DNAH10: variants seen among roughly 807,000 people sequenced by gnomAD.
DNAH10 encodes the protein axonemal beta dynein heavy chain 10.
DNAH10 carries 348 observed loss-of-function variants against 506.6 expected under a neutral mutation model. That is an observed-to-expected ratio of 0.69 (90% CI 0.63 to 0.75). DNAH10 has a LOEUF of 0.75. DNAH10 is among the 30% of genes least tolerant of loss of function. The probability of loss-of-function intolerance (pLI) is 0.00; values close to 1 mark genes in which losing one functional copy is unlikely to be tolerated. For synonymous variants in DNAH10, 2,059 were observed against 2,198.6 expected (o/e 0.94, Z 1.78); for missense variants, 5,179 against 5,787.1 (o/e 0.89, Z 3.41).
Position 123,762,459 on chromosome 12 carries a change from G to A in DNAH10, c.123G>A (p.Leu41=). 2 of 1,495,010 alleles carry A rather than the reference G, an allele frequency of 1.3e-6. No individual in the cohort carries two copies. Among genetic ancestry groups the A allele is most frequent in the South Asian group, 2.6e-5 (2 of 76,650 alleles). The allele number at this position is 1,495,010 out of a possible 1,614,324, so 92.6% of individuals were successfully genotyped here. The change falls in exon 1 of 79, where the codon TTG becomes TTA. Residue 41 remains leucine (L), a synonymous_variant. Transcript: ENST00000673944. The surrounding 1 kb of genome is among the most constrained non-coding windows in gnomAD (Gnocchi z 5.0). ...ACGGCCAGGGCGAGGACCTCATCTT[G>A]CACTTCCTCAACCAGGCGAGCGAGG... ...RDDGQGEDLI[L]HFLNQASEEE... is the part of the protein sequence containing the mutation.
chr12:123,765,096 C>T (rs1480042401), intron 1 of DNAH10, among the ~76,000 whole-genome samples: 1 of 151,882 alleles, frequency 6.6e-6, no homozygotes. Flanking sequence ...CTTTCTGCCC[C>T]CCTTCCCCGG....
chr12:123,826,649 G>GGTCTT, intron 24 of DNAH10, 38 bp from the exon 25 acceptor site: 2 of 1,583,882 alleles, frequency 1.3e-6, no homozygotes, highest in South Asian at 2.2e-5. Context: ...TTTCCAAAGG[G>GGTCTT]GTCTTTGTTG....
Position 123,771,802 on chromosome 12 carries a change from T to G in DNAH10, c.396+104T>G, listed in dbSNP as rs1689936112. On this transcript the variant is annotated intron_variant, in intron 3 of 78. Coordinates refer to ENST00000673944, the MANE Select transcript of DNAH10 (RefSeq NM_001372106.1). ...GCCCCATCCAAGGGATTTATCATGT[T>G]GGAATGGAAATTATAGGATCCCAAG... 6 of 1,020,630 alleles carry G rather than the reference T, an allele frequency of 5.9e-6. No homozygotes were observed. In the Middle Eastern group the frequency reaches 7.6e-4, roughly 129 times the overall value. 63.2% of individuals were successfully genotyped at this position (1,020,630 alleles called of 1,614,324 possible).
chr12:123,837,681 A>C (rs1474251496), intron 28 of DNAH10, among the ~76,000 whole-genome samples: 1 of 149,696 alleles, frequency 6.7e-6, no homozygotes, highest in Non-Finnish European at 1.5e-5. Flanking sequence ...GGCTCATATG[A>C]TCCTCGCCTT....
intron 67 of DNAH10, 128 bp downstream of exon 67, chr12:123,924,560 C>T (rs1017881527): frequency 1.8e-6 from 2 of 1,126,290 alleles, no homozygotes; most frequent in African/African-American, 1.6e-5. Context: ...TAACTGATGC[C>T]CTGTAACTCC....
At position 123,845,750 on chromosome 12, in the gene DNAH10, C is replaced by A; in HGVS notation, c.5511C>A (p.Ile1837=). The A allele has an allele frequency of 6.2e-7, 1 of 1,613,906 alleles. No homozygotes were observed. Among genetic ancestry groups the A allele is most frequent in the South Asian group, 1.1e-5 (1 of 91,070 alleles). ...ATGGCAGGAAAATGCACCGGCAGATCGATGAGTTGGTAACGCGCATCACCA... is the reference window on the plus strand; with the variant it reads ...ATGGCAGGAAAATGCACCGGCAGATAGATGAGTTGGTAACGCGCATCACCA... The part of the protein sequence containing the change: ...KNYGRKMHRQ[I]DELVTRITMP... The change falls in exon 31 of 79, where the codon ATC becomes ATA. Residue 1837 remains isoleucine (I), a synonymous_variant. Coordinates refer to ENST00000673944, the MANE Select transcript of DNAH10 (RefSeq NM_001372106.1).
intron 28 of DNAH10, 133 bp downstream of exon 28, chr12:123,835,661 G>T (rs1961059297): frequency 8.2e-6 from 11 of 1,346,950 alleles, no homozygotes; most frequent in Non-Finnish European, 8.9e-6. Flanking sequence ...GTTTTGCTCT[G>T]TTGCCCAGGC....
In DNAH10 at chr12:123,785,814, G is replaced by A; in HGVS notation, c.1299G>A (p.Arg433=). 6.2e-7 allele frequency: 1 copy of A among 1,614,202 alleles called. No homozygotes were observed. Among genetic ancestry groups the A allele is most frequent in the Non-Finnish European group, 8.5e-7 (1 of 1,180,040 alleles). The part of the protein sequence containing the change: ...DTIPAMMSAL[R]MVWIISRHYN... ...TCCCCGCCATGATGAGTGCCCTGCG[G>A]ATGGTGTGGATCATCTCCCGACACT... The change falls in exon 9 of 79, where the codon CGG becomes CGA. Residue 433 remains arginine, a synonymous_variant. Transcript: ENST00000673944. This position sits in a 1 kb window ranked among gnomAD's most constrained non-coding sequence, Gnocchi z 4.1.
At chr12:123,780,696 G>T (rs1237661629) in intron 5 of DNAH10, among the ~76,000 whole-genome samples, 7 of 151,200 alleles carry the variant, frequency 4.6e-5, no homozygotes, top group Non-Finnish European at 1.5e-5. Context: ...GCTCACGCCT[G>T]TAATCCCAGC....
At position 123,775,490 on chromosome 12, in the gene DNAH10, G is replaced by A. The variant is rs564323444; in HGVS notation, c.621+1226G>A. On this transcript the variant is annotated intron_variant, in intron 5 of 78. Transcript: ENST00000673944. ...ATAAGTTATTAGGGAAATGCACTAG[G>A]GAAGGAAGGAAGAGGTGATATTGAA... 3.9e-5 allele frequency among the ~76,000 whole-genome samples: 6 copies of A among 152,292 alleles called. No individual in the cohort carries two copies. In the East Asian group the frequency reaches 1.2e-3, roughly 29 times the overall value.
intron 52 of DNAH10, among the ~76,000 whole-genome samples, chr12:123,890,656 GA>G (rs1952941192): frequency 1.3e-5 from 2 of 152,202 alleles, no homozygotes; most frequent in African/African-American, 2.4e-5. Flanking sequence ...AGGAGTGGGA[GA>G]GGGGCATCCA....
intron 28 of DNAH10, 38 bp from the exon 29 acceptor site, chr12:123,838,418 C>G (rs1166103503): frequency 1.3e-6 from 2 of 1,570,678 alleles, no homozygotes; most frequent in African/African-American, 1.4e-5. Flanking sequence ...GCTCTCCCTG[C>G]TCACCCTGCT....
intron 61 of DNAH10, 37 bp from the exon 62 acceptor site, chr12:123,914,815 T>G (rs571574937): frequency 6.2e-7 from 1 of 1,606,008 alleles, no homozygotes; most frequent in East Asian, 2.2e-5. Flanking sequence ...CACAAATTGG[T>G]GAGAAAAATT....
At chr12:123,851,395 G>A (rs1951169927) in intron 35 of DNAH10, among the ~76,000 whole-genome samples, 1 of 151,296 alleles carries the variant, frequency 6.6e-6, no homozygotes, top group African/African-American at 2.5e-5. Flanking sequence ...TGGGGACCTA[G>A]GATGTGTCAG....
intron 21 of DNAH10, among the ~76,000 whole-genome samples, chr12:123,818,204 C>T (rs946637051): frequency 6.6e-6 from 1 of 152,162 alleles, no homozygotes; most frequent in Non-Finnish European, 1.5e-5. Context: ...GTCTCAGCCT[C>T]CCAAAGTGCT....
intron 4 of DNAH10, among the ~76,000 whole-genome samples, chr12:123,773,633 C>G (rs1957335615): frequency 6.6e-6 from 1 of 152,188 alleles, no homozygotes; most frequent in Non-Finnish European, 1.5e-5. Context: ...GCACCTTCTC[C>G]TATCCTCCCA....
intron 60 of DNAH10, among the ~76,000 whole-genome samples, 190 bp from the exon 61 acceptor site, chr12:123,914,139 A>G (rs1566094563): frequency 6.6e-6 from 1 of 152,214 alleles, no homozygotes; most frequent in African/African-American, 2.4e-5. Flanking sequence ...TCCAAATACC[A>G]GGTTCACTAG....
In DNAH10 at chr12:123,879,792, TC is replaced by T. The variant is rs1952422436; in HGVS notation, c.8626del (p.Leu2876CysfsTer16). Reference sequence around the variant, plus strand: ...TCCAGGACTACGAGGCGGCCAAGGCTCTGTTCCAGGTGGGGATGAGCCCCAC... The same window carrying T: ...TCCAGGACTACGAGGCGGCCAAGGCTTGTTCCAGGTGGGGATGAGCCCCAC... ...DIQDYEAAKALFQEILEEYNE... is the reference protein window; with the variant it reads ...DIQDYEAAKAXFQEILEEYNE... On this transcript the variant is annotated frameshift_variant, in exon 50 of 79. Transcript: ENST00000673944. LOFTEE classifies it high-confidence loss of function. The T allele has an allele frequency of 6.2e-7, 1 of 1,613,846 alleles. No individual in the cohort carries two copies. The highest frequency in any genetic ancestry group is 8.5e-7 in the Non-Finnish European group (1 of 1,179,842).
rs1336366578 is a variant in DNAH10 at position 123,846,549 on chromosome 12, C to CTCCT, written c.5814+395_5814+396insTCCT. Among the ~76,000 whole-genome samples, 1 of 152,170 alleles carries CTCCT rather than the reference C, an allele frequency of 6.6e-6. No homozygotes were observed. The highest frequency in any genetic ancestry group is 1.5e-5 in the Non-Finnish European group (1 of 68,044). On this transcript the variant is annotated intron_variant, in intron 32 of 78. Coordinates refer to ENST00000673944, the MANE Select transcript of DNAH10 (RefSeq NM_001372106.1). The surrounding 1 kb of genome is among the most constrained non-coding windows in gnomAD (Gnocchi z 4.5). ...ATAGAGATAGTGTCTCCCTCCAGGA[C>CTCCT]AGAGGGTAAACTTGTTTGTTGTACA...
Sources: allele counts gnomAD v4.1 joint callset (sites outside exome capture counted in the v4.1 genomes callset), GRCh38; gene constraint gnomAD v4.1.1; non-coding constraint Gnocchi (gnomAD v3.1); transcripts MANE v1.5; gene names NCBI Gene and HGNC (gene_info 2026-07-23, HGNC 2026-07-21).